The following DNAJC5 variants were observed in gnomAD, a reference collection of about 807,000 sequenced individuals.
DNAJC5 encodes dnaJ homolog subfamily C member 5.
A neutral mutation model predicts 23.2 loss-of-function variants in DNAJC5; 1 was observed. The observed-to-expected ratio is 0.04, with a 90% confidence interval of 0.02 to 0.20. The LOEUF (loss-of-function observed/expected upper bound fraction) is 0.20, where lower values mean the gene tolerates loss of function less well. DNAJC5 is among the 10% of genes least tolerant of loss of function. The probability of loss-of-function intolerance (pLI) is 1.00; values close to 1 mark genes in which losing one functional copy is unlikely to be tolerated. For missense variants in DNAJC5, 180 were observed against 267.0 expected, an observed-to-expected ratio of 0.67 and a Z score of 2.27; for synonymous variants, 136 against 120.0, an observed-to-expected ratio of 1.13 and a Z score of -0.87.
At chr20:63,926,914 G>A (rs1229846464) in intron 1 of DNAJC5, among the ~76,000 whole-genome samples, 1 of 152,212 alleles carries the variant, frequency 6.6e-6, no homozygotes, top group East Asian at 1.9e-4. Flanking sequence ...CATGTACACT[G>A]TATTTATTAT....
chr20:63,901,105 C>G (rs533432624), intron 1 of DNAJC5, among the ~76,000 whole-genome samples: 149 of 152,346 alleles, frequency 9.8e-4, no homozygotes, highest in Non-Finnish European at 1.6e-3. Context: ...ACTGGAATTA[C>G]AGGCGTGTGC....
At chr20:63,896,513 C>T (rs1456241887) in intron 1 of DNAJC5, among the ~76,000 whole-genome samples, 1 of 152,122 alleles carries the variant, frequency 6.6e-6, no homozygotes. Context: ...GCGTCTGAGT[C>T]CACCCACCCT....
intron 1 of DNAJC5, among the ~76,000 whole-genome samples, chr20:63,922,034 C>T (rs2053577657): frequency 6.6e-6 from 1 of 152,120 alleles, no homozygotes. Context: ...CCACCTCAGC[C>T]TCCCAAAGTG....
rs547579283 is a variant in DNAJC5 at position 63,928,585 on chromosome 20, C to T, written c.107+133C>T. 246 of 739,624 alleles carry T rather than the reference C, an allele frequency of 3.3e-4. 2 individuals are homozygous for T. The highest frequency in any genetic ancestry group is 3.0e-3 in the African/African-American group (176 of 57,924). 45.8% of individuals were successfully genotyped at this position (739,624 alleles called of 1,614,324 possible). A position where few individuals can be genotyped will look rare whatever the true frequency, so the allele number is the denominator to read the frequency against. The stretch of plus-strand genomic sequence containing the variant: ...ACTCAGCGTTGAACTGGTCACAGCT[C>T]GGTAACACCTTTGTATGTGTAATGT... On this transcript the variant is annotated intron_variant, in intron 2 of 4. Coordinates refer to ENST00000360864, the MANE Select transcript of DNAJC5 (RefSeq NM_025219.3). The surrounding 1 kb of genome is among the most constrained non-coding windows in gnomAD (Gnocchi z 4.6).
intron 1 of DNAJC5, among the ~76,000 whole-genome samples, chr20:63,914,332 T>A (rs1261706818): frequency 1.3e-5 from 2 of 152,344 alleles, no homozygotes; most frequent in East Asian, 3.9e-4. Context: ...TTAGCTTTTT[T>A]GAGACGGAGT....
In DNAJC5 at chr20:63,914,631, TG is replaced by T. The variant is rs201304649; in HGVS notation, c.-11-13702del. ...CGTGCCCGGCCTTTTTTTTTTTTTT[TG>T]GTAGATGGAGTCTCGCTCTGTCGCC... On this transcript the variant is annotated intron_variant, in intron 1 of 4. Transcript: ENST00000360864. 7.7e-4 allele frequency among the ~76,000 whole-genome samples: 114 copies of T among 148,040 alleles called. 2 individuals are homozygous for T. The highest frequency in any genetic ancestry group is 1.6e-3 in the African/African-American group (65 of 39,984).
In DNAJC5 at chr20:63,934,202, G is replaced by A. The variant is rs1202163736; in HGVS notation, c.*2634G>A. 6.6e-6 allele frequency: 1 copy of A among 152,174 alleles called. No individual in the cohort carries two copies. Among genetic ancestry groups the A allele is most frequent in the Non-Finnish European group, 1.5e-5 (1 of 68,042 alleles). The allele number at this position is 152,174 out of a possible 1,614,324, so 9.4% of individuals were successfully genotyped here. A position where few individuals can be genotyped will look rare whatever the true frequency, so the allele number is the denominator to read the frequency against. Reference sequence around the variant, plus strand: ...TAATTTAAGGAAAAAGATCCTCCCGGGTTTTATTTCTCTCTTTCTTGAGTG... The same window carrying A: ...TAATTTAAGGAAAAAGATCCTCCCGAGTTTTATTTCTCTCTTTCTTGAGTG... On this transcript the variant is annotated 3_prime_UTR_variant, in exon 5 of 5. Coordinates refer to ENST00000360864, the MANE Select transcript of DNAJC5 (RefSeq NM_025219.3).
chr20:63,896,818 G>A (rs1361272360), intron 1 of DNAJC5, among the ~76,000 whole-genome samples: 1 of 152,128 alleles, frequency 6.6e-6, no homozygotes. Flanking sequence ...GCACATGATC[G>A]GGGCCCAGTA....
chr20:63,931,236 C>T lies in DNAJC5; in HGVS notation c.493+214C>T, dbSNP rs2053667621. 2 of 787,472 alleles carry T rather than the reference C, an allele frequency of 2.5e-6. No homozygotes were observed. The highest frequency in any genetic ancestry group is 1.5e-5 in the South Asian group (1 of 68,212). The allele number at this position is 787,472 out of a possible 1,614,324, so 48.8% of individuals were successfully genotyped here. A position where few individuals can be genotyped will look rare whatever the true frequency, so the allele number is the denominator to read the frequency against. On this transcript the variant is annotated intron_variant, in intron 4 of 4. Coordinates refer to ENST00000360864, the MANE Select transcript of DNAJC5 (RefSeq NM_025219.3). This position sits in a 1 kb window ranked among gnomAD's most constrained non-coding sequence, Gnocchi z 9.6. The stretch of plus-strand genomic sequence containing the variant: ...CCGTGACCTGCGGTAGCCGTAGATC[C>T]CAGGGACTGCGAGGCGGGGCAGGGC...
chr20:63,923,521 T>G (rs1348459620), intron 1 of DNAJC5, among the ~76,000 whole-genome samples: 2 of 152,034 alleles, frequency 1.3e-5, no homozygotes, highest in African/African-American at 4.8e-5. Context: ...GGCGGATTGC[T>G]TGAGTCTGGG....
intron 1 of DNAJC5, among the ~76,000 whole-genome samples, chr20:63,909,819 G>A (rs956098751): frequency 2.0e-5 from 3 of 152,318 alleles, no homozygotes; most frequent in East Asian, 1.9e-4. Context: ...GAGAGCCTGC[G>A]GGGGGCAGCA....
chr20:63,901,443 A>G (rs999581841), intron 1 of DNAJC5, among the ~76,000 whole-genome samples: 1 of 152,166 alleles, frequency 6.6e-6, no homozygotes, highest in African/African-American at 2.4e-5. Flanking sequence ...GGTAGGGTGG[A>G]AATGTGTTCT....
Position 63,903,558 on chromosome 20 carries a change from T to G in DNAJC5, c.-12+8235T>G, listed in dbSNP as rs368625933. Among the ~76,000 whole-genome samples the G allele has an allele frequency of 3.9e-5, 6 of 152,104 alleles. No individual in the cohort carries two copies. The East Asian group carries it at 1.2e-3, about 30-fold the overall frequency. ...TCTTGACCTCATGGTCTGCGCACCT[T>G]GGCCTCCCAAAGTGCTGGGATTACA... On this transcript the variant is annotated intron_variant, in intron 1 of 4. Transcript: ENST00000360864.
At chr20:63,909,558 G>A (rs74620119) in intron 1 of DNAJC5, among the ~76,000 whole-genome samples, 1,581 of 152,028 alleles carry the variant, frequency 0.01, 18 homozygotes, top group African/African-American at 0.036. Context: ...GATGCGTGCC[G>A]TAGTCCCAGC....
Position 63,932,474 on chromosome 20 carries a change from A to G in DNAJC5, c.*906A>G, listed in dbSNP as rs996583401. On this transcript the variant is annotated 3_prime_UTR_variant, in exon 5 of 5. Coordinates refer to ENST00000360864, the MANE Select transcript of DNAJC5 (RefSeq NM_025219.3). This position sits in a 1 kb window ranked among gnomAD's most constrained non-coding sequence, Gnocchi z 4.4. ...TCCTTCCAGCACACCTGTCCTTTCCATAGCCCTTTTTGGACCTTTAGAACC... is the reference window on the plus strand; with the variant it reads ...TCCTTCCAGCACACCTGTCCTTTCCGTAGCCCTTTTTGGACCTTTAGAACC... The G allele has an allele frequency of 2.0e-5, 3 of 152,258 alleles. No individual in the cohort carries two copies. Among genetic ancestry groups the G allele is most frequent in the African/African-American group, 4.9e-5 (2 of 41,194 alleles). The allele number at this position is 152,258 out of a possible 1,614,324, so 9.4% of individuals were successfully genotyped here.
Position 63,929,412 on chromosome 20 carries a change from G to T in DNAJC5, c.208G>T (p.Ala70Ser). 1 of 1,614,190 alleles carries T rather than the reference G, an allele frequency of 6.2e-7. No individual in the cohort carries two copies. Among genetic ancestry groups the T allele is most frequent in the Non-Finnish European group, 8.5e-7 (1 of 1,180,032 alleles). ...INNAHAILTD[A>S]TKRNIYDKYG... ...CAACGCGCACGCCATCCTCACGGAC[G>T]CCACAAAAAGGAACATCTACGACAA... The change falls in exon 3 of 5, where the codon GCC becomes TCC. Residue 70 changes from alanine to serine, a missense_variant. Ala to Ser is a moderately conservative substitution (Grantham distance 99). Transcript: ENST00000360864. The surrounding 1 kb of genome is among the most constrained non-coding windows in gnomAD (Gnocchi z 8.6).
intron 1 of DNAJC5, among the ~76,000 whole-genome samples, chr20:63,907,409 C>T (rs921660906): frequency 8.5e-5 from 13 of 152,132 alleles, no homozygotes; most frequent in South Asian, 2.1e-4. Flanking sequence ...AGGGTCTGAC[C>T]GCTTTATTCA....
chr20:63,917,037 G>C (rs2053519673), intron 1 of DNAJC5, among the ~76,000 whole-genome samples: 1 of 152,184 alleles, frequency 6.6e-6, no homozygotes, highest in South Asian at 2.1e-4. Context: ...CACAATTATA[G>C]TGGCCCTGAG....
chr20:63,900,556 G>GACA, intron 1 of DNAJC5, among the ~76,000 whole-genome samples: 1 of 117,126 alleles, frequency 8.5e-6, no homozygotes, highest in Middle Eastern at 8.2e-3. Flanking sequence ...CAGCCTGGGC[G>GACA]ACAGAGCAAG....
Sources: gnomAD v4.1 joint callset for allele counts (sites outside exome capture counted in the v4.1 genomes callset) on GRCh38, gnomAD v4.1.1 for gene constraint, Gnocchi (gnomAD v3.1) non-coding constraint, MANE v1.5 for transcripts, NCBI Gene and HGNC (gene_info 2026-07-23, HGNC 2026-07-21) for gene names.